The following PRELID2 variants were observed in gnomAD, a reference collection of about 807,000 sequenced individuals.
The protein encoded by PRELID2 is PRELI domain containing 2, also known as PRELI domain-containing protein 2.
In PRELID2, 25 loss-of-function variants were observed where a neutral mutation model predicts 28.4. That is an observed-to-expected ratio of 0.88 (90% CI 0.64 to 1.23). PRELID2 has a LOEUF of 1.23. Ranked by LOEUF, PRELID2 falls within the 50% of genes most tolerant of loss-of-function variation. PRELID2 has a pLI of 0.00. For missense variants in PRELID2, 201 were observed against 214.4 expected (o/e 0.94, Z 0.39); for synonymous variants, 76 against 71.6 (o/e 1.06, Z -0.31).
At chr5:145,598,833 T>A (rs1038572107) in intron 1 of PRELID2, among the ~76,000 whole-genome samples, 20 of 152,072 alleles carry the variant, frequency 1.3e-4, no homozygotes, top group Admixed American at 1.3e-3. Context: ...CCAGGTGCAA[T>A]AATAGAAAAT....
the PRELID2 span, among the ~76,000 whole-genome samples, chr5:145,242,338 A>G: frequency 1.3e-5 from 2 of 152,134 alleles, no homozygotes; most frequent in East Asian, 3.9e-4. Context: ...AAGACATTAA[A>G]TAACACTATC....
the PRELID2 span, among the ~76,000 whole-genome samples, chr5:145,458,172 T>A: frequency 1.3e-5 from 2 of 152,180 alleles, no homozygotes; most frequent in Non-Finnish European, 2.9e-5. Flanking sequence ...TTTAGTAAGA[T>A]ACAAAAAATT....
At chr5:145,231,498 C>T in the PRELID2 span, among the ~76,000 whole-genome samples, 1 of 152,116 alleles carries the variant, frequency 6.6e-6, no homozygotes, top group African/African-American at 2.4e-5. Flanking sequence ...ATTTTTAAGG[C>T]TTTATAAAGT....
At chr5:145,352,309 A>C in the PRELID2 span, among the ~76,000 whole-genome samples, 4 of 152,168 alleles carry the variant, frequency 2.6e-5, no homozygotes, top group Non-Finnish European at 5.9e-5. Context: ...AGATGTTACC[A>C]AACCTCAATT....
chr5:145,616,478 G>A (rs188353656), intron 1 of PRELID2, among the ~76,000 whole-genome samples: 92 of 152,160 alleles, frequency 6.0e-4, no homozygotes, highest in Middle Eastern at 6.8e-3. Context: ...AGTGTCGGCC[G>A]GTCTGAGAAA....
At chr5:145,571,190 C>A (rs1310535065) in intron 1 of PRELID2, among the ~76,000 whole-genome samples, 3 of 152,202 alleles carry the variant, frequency 2.0e-5, no homozygotes, top group African/African-American at 7.2e-5. Context: ...CTGTATGGTG[C>A]TGGACACGTT....
At chr5:145,693,223 C>G (rs1309975190) in intron 1 of PRELID2, among the ~76,000 whole-genome samples, 1 of 150,926 alleles carries the variant, frequency 6.6e-6, no homozygotes, top group African/African-American at 2.4e-5. Context: ...TCTCAGCTCA[C>G]TGCAACCTCT....
At chr5:145,799,615 A>T (rs1056904095) in intron 4 of PRELID2, among the ~76,000 whole-genome samples, 1 of 152,200 alleles carries the variant, frequency 6.6e-6, no homozygotes, top group African/African-American at 2.4e-5. Context: ...CTGAGGAGCC[A>T]CAAGTTATCT....
chr5:145,440,355 T>C, the PRELID2 span, among the ~76,000 whole-genome samples: 1 of 152,102 alleles, frequency 6.6e-6, no homozygotes, highest in Non-Finnish European at 1.5e-5. Flanking sequence ...ATTTCTCTGA[T>C]TTGGTATCCT....
At chr5:145,654,912 G>T (rs1269696139) in intron 1 of PRELID2, among the ~76,000 whole-genome samples, 1 of 152,084 alleles carries the variant, frequency 6.6e-6, no homozygotes, top group Non-Finnish European at 1.5e-5. Flanking sequence ...AATCAGGCAG[G>T]AGAAGGAAAT....
At position 145,741,610 on chromosome 5, in the gene PRELID2, A is replaced by AT. The variant is rs1483960889; in HGVS notation, n.70+23320dup. The stretch of plus-strand genomic sequence containing the variant: ...TATATATAAAATTTATTTATAATTT[A>AT]TTTATATATAAATAATTTATTTATA... On this transcript the variant is annotated intron_variant and non_coding_transcript_variant, in intron 1 of 2. Transcript: ENST00000510259. 1.6e-4 allele frequency among the ~76,000 whole-genome samples: 2 copies of AT among 12,162 alleles called. 1 individual carries two copies. The highest frequency in any genetic ancestry group is 3.7e-4 in the African/African-American group (2 of 5,396). The allele number at this position is 12,162 out of a possible 152,430, so 8.0% of individuals were successfully genotyped here.
chr5:145,739,295 G>A (rs1481400498), intron 1 of PRELID2, among the ~76,000 whole-genome samples: 1 of 152,136 alleles, frequency 6.6e-6, no homozygotes, highest in East Asian at 1.9e-4. Flanking sequence ...CATGAGCTCA[G>A]GAATTTAAGA....
rs906530465 is a variant in PRELID2 at position 145,576,506 on chromosome 5, T to C, written n.71-103191A>G. 2.6e-5 allele frequency among the ~76,000 whole-genome samples: 4 copies of C among 152,128 alleles called. No individual in the cohort carries two copies. The East Asian group carries it at 7.7e-4, about 29-fold the overall frequency. On this transcript the variant is annotated intron_variant and non_coding_transcript_variant, in intron 1 of 2. Coordinates refer to the PRELID2 transcript ENST00000510259. ...GTACAGACATACCATATTTTATTTA[T>C]CCACTCCTTACTTGATGGATGAGAG... is the stretch of plus-strand genomic sequence containing the variant.
the PRELID2 span, among the ~76,000 whole-genome samples, chr5:145,255,282 C>T: frequency 6.6e-6 from 1 of 151,598 alleles, no homozygotes; most frequent in African/African-American, 2.4e-5. Flanking sequence ...TTTAAAATAA[C>T]TGTGATGAAT....
the PRELID2 span, among the ~76,000 whole-genome samples, chr5:145,251,539 C>T: frequency 6.6e-6 from 1 of 152,108 alleles, no homozygotes; most frequent in African/African-American, 2.4e-5. Flanking sequence ...GCCTTGTGGC[C>T]TTCATCATCC....
rs188026500 is a variant in PRELID2, at chr5:145,640,262, G to A, written n.70+124669C>T. On this transcript the variant is annotated intron_variant and non_coding_transcript_variant, in intron 1 of 2. Coordinates refer to the PRELID2 transcript ENST00000510259. ...AGCAATTTGGGAGGCCGAGGCGGGC[G>A]GATCACGAGGTCAGGAGATCGAGAC... Among the ~76,000 whole-genome samples the A allele has an allele frequency of 1.3e-3, 198 of 152,124 alleles. 2 individuals are homozygous for A. Among genetic ancestry groups the A allele is most frequent in the African/African-American group, 4.6e-3 (191 of 41,504 alleles).
At chr5:145,563,272 A>C (rs918917893) in intron 1 of PRELID2, among the ~76,000 whole-genome samples, 6 of 152,196 alleles carry the variant, frequency 3.9e-5, no homozygotes, top group Non-Finnish European at 8.8e-5. Flanking sequence ...GTGGGGAACC[A>C]CCCACAGACG....
chr5:145,695,523 T>G (rs1755241281), intron 1 of PRELID2, among the ~76,000 whole-genome samples: 2 of 152,226 alleles, frequency 1.3e-5, no homozygotes. Context: ...CAACCTGCTC[T>G]TCTTCCTTGA....
the PRELID2 span, among the ~76,000 whole-genome samples, chr5:145,287,124 G>A: frequency 6.6e-6 from 1 of 151,936 alleles, no homozygotes; most frequent in Admixed American, 6.6e-5. Flanking sequence ...TTATCCATTG[G>A]GGATACATTC....
Sources: gnomAD v4.1 joint callset for allele counts (sites outside exome capture counted in the v4.1 genomes callset) on GRCh38, gnomAD v4.1.1 for gene constraint, MANE v1.5 for transcripts, NCBI Gene and HGNC (gene_info 2026-07-23, HGNC 2026-07-21) for gene names.